Variants in FRMD4A observed in about 807,000 individuals in gnomAD.
The protein encoded by FRMD4A is FERM domain-containing protein 4A.
In FRMD4A, 29 loss-of-function variants were observed where a neutral mutation model predicts 129.1. The ratio of observed to expected loss-of-function variants is 0.22; its 90% CI spans 0.17 to 0.31. The LOEUF is 0.31. Among genes scored for constraint, FRMD4A ranks in the 10% least tolerant of loss-of-function variants. FRMD4A has a pLI of 1.00. For missense variants in FRMD4A, 1,272 were observed against 1,375.8 expected (o/e 0.92, Z 1.19); for synonymous variants, 634 against 571.6 (o/e 1.11, Z -1.56).
chr10:14,250,181 G>A (rs1844387235), intron 2 of FRMD4A, among the ~76,000 whole-genome samples: 1 of 152,124 alleles, frequency 6.6e-6, no homozygotes, highest in Admixed American at 6.5e-5. Flanking sequence ...GGTTGGTCTT[G>A]AACTCCTGAC....
chr10:13,881,157 C>T (rs1443293511), intron 2 of FRMD4A, among the ~76,000 whole-genome samples: 1 of 151,576 alleles, frequency 6.6e-6, no homozygotes, highest in African/African-American at 2.4e-5. Context: ...GTGGTTCACA[C>T]CTGTAATCCC....
chr10:13,703,135 A>AG (rs1361199169), intron 13 of FRMD4A, among the ~76,000 whole-genome samples: 1 of 152,170 alleles, frequency 6.6e-6, no homozygotes, highest in Admixed American at 6.5e-5. Flanking sequence ...TTAGACAAGA[A>AG]CAGTATCTTG....
chr10:13,945,501 A>G (rs1360993549), intron 2 of FRMD4A, among the ~76,000 whole-genome samples: 8 of 151,708 alleles, frequency 5.3e-5, no homozygotes, highest in African/African-American at 1.9e-4. Flanking sequence ...TTTTCCTTGC[A>G]GTTTTTTTTT....
chr10:13,979,912 G>A (rs2095554752), intron 2 of FRMD4A, among the ~76,000 whole-genome samples: 1 of 152,152 alleles, frequency 6.6e-6, no homozygotes, highest in Non-Finnish European at 1.5e-5. Context: ...TCTCTAACAG[G>A]CAGGGCCATT....
intron 2 of FRMD4A, among the ~76,000 whole-genome samples, chr10:13,952,062 A>G (rs1172925848): frequency 6.6e-6 from 1 of 151,066 alleles, no homozygotes; most frequent in Non-Finnish European, 1.5e-5. Flanking sequence ...TTCAGAGCCA[A>G]TTAAATCCAG....
chr10:13,691,001 TGAGA>T (rs1382940278), intron 15 of FRMD4A, among the ~76,000 whole-genome samples: 1 of 152,156 alleles, frequency 6.6e-6, no homozygotes, highest in Non-Finnish European at 1.5e-5. Flanking sequence ...TGTGTGTGTG[TGAGA>T]GAGACACAGT....
At chr10:13,811,786 T>A (rs1328800980) in intron 3 of FRMD4A, among the ~76,000 whole-genome samples, 3 of 152,196 alleles carry the variant, frequency 2.0e-5, no homozygotes, top group East Asian at 3.9e-4. Flanking sequence ...CTAAACTAGC[T>A]TCCAGGTCAT....
At chr10:14,094,329 G>A (rs576610940) in intron 2 of FRMD4A, among the ~76,000 whole-genome samples, 3 of 152,344 alleles carry the variant, frequency 2.0e-5, no homozygotes, top group African/African-American at 4.8e-5. Context: ...CAGTCAACAT[G>A]GAAGGCATCA....
At chr10:13,741,499 T>A (rs899000790) in intron 9 of FRMD4A, among the ~76,000 whole-genome samples, 10 of 152,076 alleles carry the variant, frequency 6.6e-5, no homozygotes, top group African/African-American at 1.9e-4. Context: ...GGTTTTGGGA[T>A]CAGCTCCTTG....
intron 2 of FRMD4A, among the ~76,000 whole-genome samples, chr10:13,949,150 C>T (rs1746109809): frequency 6.6e-6 from 1 of 151,998 alleles, no homozygotes; most frequent in African/African-American, 2.4e-5. Context: ...TCTTCAGTGA[C>T]TGTGTAACCA....
At chr10:14,045,187 G>T (rs969377040) in intron 2 of FRMD4A, among the ~76,000 whole-genome samples, 1 of 152,148 alleles carries the variant, frequency 6.6e-6, no homozygotes, top group Admixed American at 6.6e-5. Flanking sequence ...ACTATGCCTG[G>T]CCATTCCCTG....
Position 14,230,276 on chromosome 10 carries a change from T to C in FRMD4A, c.45+99782A>G, listed in dbSNP as rs191721570. On this transcript the variant is annotated intron_variant, in intron 2 of 24. Transcript: ENST00000357447. ...GGTACCATTTTGCCAGTTGTTGTTG[T>C]CACTGAAGAATGGTTAAGAACGTGG... is the stretch of plus-strand genomic sequence containing the variant. Among the ~76,000 whole-genome samples, 124 of 151,170 alleles carry C rather than the reference T, an allele frequency of 8.2e-4. 1 individual carries two copies. The highest frequency in any genetic ancestry group is 2.1e-3 in the South Asian group (10 of 4,710).
intron 2 of FRMD4A, among the ~76,000 whole-genome samples, chr10:13,985,320 G>C (rs1390614939): frequency 1.3e-5 from 2 of 152,194 alleles, no homozygotes; most frequent in Non-Finnish European, 2.9e-5. Context: ...AAGGTCAGCT[G>C]GTCTCTCTAC....
At chr10:13,787,331 A>G (rs923857455) in intron 5 of FRMD4A, among the ~76,000 whole-genome samples, 4 of 152,250 alleles carry the variant, frequency 2.6e-5, no homozygotes, top group Non-Finnish European at 4.4e-5. Flanking sequence ...AAACGCCTGC[A>G]GAGAAACAGA....
intron 2 of FRMD4A, among the ~76,000 whole-genome samples, chr10:13,932,707 G>T (rs946806118): frequency 2.0e-5 from 3 of 152,126 alleles, no homozygotes; most frequent in Admixed American, 2.0e-4. Context: ...GATAGTGAAT[G>T]ATGATGTCTT....
intron 3 of FRMD4A, among the ~76,000 whole-genome samples, chr10:13,823,738 A>G (rs2093661793): frequency 6.6e-6 from 1 of 152,204 alleles, no homozygotes; most frequent in Non-Finnish European, 1.5e-5. Flanking sequence ...CAAATGACAC[A>G]TTGGCAGATT....
chr10:13,984,105 T>C (rs1438201244), intron 2 of FRMD4A, among the ~76,000 whole-genome samples: 1 of 151,870 alleles, frequency 6.6e-6, no homozygotes, highest in African/African-American at 2.4e-5. Context: ...CCTTCCTGAG[T>C]CTGACCACGG....
chr10:14,017,140 T>C (rs192082079), intron 2 of FRMD4A, among the ~76,000 whole-genome samples: 1 of 152,320 alleles, frequency 6.6e-6, no homozygotes, highest in East Asian at 1.9e-4. Flanking sequence ...TAATGGCTTA[T>C]TGTGTGTGCT....
chr10:13,852,392 C>T lies in FRMD4A; in HGVS notation c.111+6455G>A, dbSNP rs528689879. Among the ~76,000 whole-genome samples the T allele has an allele frequency of 1.5e-3, 230 of 151,958 alleles. 1 individual carries two copies. The highest frequency in any genetic ancestry group is 4.9e-3 in the Admixed American group (75 of 15,258). On this transcript the variant is annotated intron_variant, in intron 3 of 24. Transcript: ENST00000357447. ...CCGAGTAGCTGGGACTACAGGCGCA[C>T]GCCACCATGCCTGGTAGAGACAGGG...
Sources: gnomAD v4.1 joint callset for allele counts (sites outside exome capture counted in the v4.1 genomes callset) on GRCh38, gnomAD v4.1.1 for gene constraint, MANE v1.5 for transcripts, NCBI Gene and HGNC (gene_info 2026-07-23, HGNC 2026-07-21) for gene names.